The following EOGT variants were observed in gnomAD, a reference collection of about 807,000 sequenced individuals.
EOGT encodes the protein EGF domain specific O-linked N-acetylglucosamine transferase.
Under a neutral mutation model 70.5 loss-of-function variants are expected in EOGT, and 55 were observed. The observed-to-expected ratio is 0.78, with a 90% CI of 0.63 to 0.98. The LOEUF is 0.98. Among genes scored for constraint, EOGT ranks in the 50% least tolerant of loss-of-function variants. The pLI, the probability that EOGT is intolerant of heterozygous loss-of-function variation, is 0.00. For synonymous variants in EOGT, 246 were observed against 217.1 expected, an observed-to-expected ratio of 1.13 and a Z score of -1.17; for missense variants, 703 against 641.9, an observed-to-expected ratio of 1.10 and a Z score of -1.03.
chr3:69,004,236 G>T, intron 8 of EOGT, 142 bp downstream of exon 8: 1 of 624,328 alleles, frequency 1.6e-6, no homozygotes, highest in East Asian at 2.7e-5. Flanking sequence ...GGATTCACTC[G>T]GTTTCCGTCA....
chr3:68,997,036 A>T (rs1396854079), intron 10 of EOGT, among the ~76,000 whole-genome samples: 1 of 152,178 alleles, frequency 6.6e-6, no homozygotes, highest in Non-Finnish European at 1.5e-5. Flanking sequence ...CTCATTTCAG[A>T]GCTGAAGATT....
In EOGT at chr3:68,988,542, G is replaced by C. The variant is rs761254675; in HGVS notation, c.960C>G (p.Pro320=). Residue 320 remains proline, a synonymous_variant, in exon 12 of 18, where the codon CCC becomes CCG. Transcript: ENST00000383701. The part of the protein sequence containing the change: ...CFKEAVFSLL[P]RMRYGLFYNT... ...TATAGAACAGCCCATACCTCATGCG[G>C]GGGAGTAATGAAAAAACAGCTTCTT... 14 of 1,533,052 alleles carry C rather than the reference G, an allele frequency of 9.1e-6. No homozygotes were observed. Among genetic ancestry groups the C allele is most frequent in the Non-Finnish European group, 1.2e-5 (14 of 1,145,558 alleles). 95.0% of individuals were successfully genotyped at this position (1,533,052 alleles called of 1,614,324 possible).
chr3:68,982,521 A>AAAAC lies in EOGT; in HGVS notation c.1214+286_1214+289dup, dbSNP rs769683131. 9.9e-5 allele frequency among the ~76,000 whole-genome samples: 15 copies of AAAAC among 152,256 alleles called. No homozygotes were observed. In the South Asian group the frequency reaches 2.3e-3, roughly 23 times the overall value. The stretch of plus-strand genomic sequence containing the variant: ...GGTGACAGAGCAAGATTCTGTCTCA[A>AAAAC]AAACAAACAAACAAACAAACAAAAA... On this transcript the variant is annotated intron_variant, in intron 15 of 17. Coordinates refer to ENST00000383701, the MANE Select transcript of EOGT (RefSeq NM_001278689.2).
chr3:69,013,357 C>T (rs2091625761), intron 1 of EOGT, among the ~76,000 whole-genome samples: 1 of 151,620 alleles, frequency 6.6e-6, no homozygotes, highest in Admixed American at 6.6e-5. Flanking sequence ...TGGGAAGGGG[C>T]CGGGCGCCCG....
chr3:69,005,978 A>C (rs2091429813), intron 6 of EOGT, among the ~76,000 whole-genome samples: 1 of 152,240 alleles, frequency 6.6e-6, no homozygotes, highest in African/African-American at 2.4e-5. Context: ...CAATGGACTG[A>C]ATGTCCGTGT....
rs150287973 is a variant in EOGT at position 68,999,884 on chromosome 3, T to C, written c.727+1724A>G. On this transcript the variant is annotated intron_variant, in intron 9 of 17. Coordinates refer to ENST00000383701, the MANE Select transcript of EOGT (RefSeq NM_001278689.2). ...GAGAAATGTGCCCCCTAATGAGTCC[T>C]GATCTGTAGAATGTTCATTTCCCTA... Among the ~76,000 whole-genome samples, 311 of 152,272 alleles carry C rather than the reference T, an allele frequency of 2.0e-3. 1 individual carries two copies. The highest frequency in any genetic ancestry group is 7.1e-3 in the African/African-American group (294 of 41,556).
At chr3:69,001,559 T>C in intron 9 of EOGT, 49 bp downstream of exon 9, 13 of 1,232,588 alleles carry the variant, frequency 1.1e-5, no homozygotes, top group Non-Finnish European at 1.5e-5. Flanking sequence ...AAAAAAGGAA[T>C]AATATCTCAT....
intron 10 of EOGT, among the ~76,000 whole-genome samples, chr3:68,997,216 A>G (rs2091175217): frequency 6.6e-6 from 1 of 152,218 alleles, no homozygotes; most frequent in African/African-American, 2.4e-5. Flanking sequence ...CCTGCCCTTT[A>G]CAGTGAGCTG....
chr3:68,994,125 T>C (rs2091076541), intron 10 of EOGT, among the ~76,000 whole-genome samples: 1 of 152,144 alleles, frequency 6.6e-6, no homozygotes, highest in Non-Finnish European at 1.5e-5. Context: ...ATATATATTA[T>C]ATATACGCAC....
Position 69,007,752 on chromosome 3 carries a change from C to A in EOGT, c.381G>T (p.Arg127Ser), listed in dbSNP as rs761555639. ...KQADFGYARE[R>S]LEEMHVLCQP... is the part of the protein sequence containing the mutation. ...GACAGAGCACATGCATCTCCTCCAG[C>A]CTCTCTCTGGCATATCCAAAGTCAG... Residue 127 changes from arginine to serine, a missense_variant, in exon 6 of 18, where the codon AGG becomes AGT. Physicochemically the swap from Arg to Ser is moderately radical, Grantham distance 110. Transcript: ENST00000383701. The A allele has an allele frequency of 6.2e-7, 1 of 1,613,338 alleles. No individual in the cohort carries two copies.
chr3:68,981,566 C>T (rs1404608050), intron 15 of EOGT, among the ~76,000 whole-genome samples: 1 of 152,170 alleles, frequency 6.6e-6, no homozygotes, highest in Non-Finnish European at 1.5e-5. Flanking sequence ...GACTTTTCAA[C>T]CAGAAACATG....
intron 14 of EOGT, among the ~76,000 whole-genome samples, chr3:68,984,312 TAAG>T (rs1224624546): frequency 2.0e-5 from 3 of 151,734 alleles, no homozygotes; most frequent in Non-Finnish European, 2.9e-5. Flanking sequence ...GTTGAAGGGG[TAAG>T]AAGATTAGAA....
rs1207482468 is a variant in EOGT at position 68,975,856 on chromosome 3, T to A, written c.*1762A>T. On this transcript the variant is annotated 3_prime_UTR_variant, in exon 18 of 18. Coordinates refer to ENST00000383701, the MANE Select transcript of EOGT (RefSeq NM_001278689.2). ...CAAACGTCTTCTGTAAAGGTCCAGATATTTTGTTTTGTGTGTCATTTTTCT... is the reference window on the plus strand; with the variant it reads ...CAAACGTCTTCTGTAAAGGTCCAGAAATTTTGTTTTGTGTGTCATTTTTCT... The A allele has an allele frequency of 6.6e-6, 1 of 152,230 alleles. No homozygotes were observed. Among genetic ancestry groups the A allele is most frequent in the East Asian group, 1.9e-4 (1 of 5,198 alleles). 9.4% of individuals were successfully genotyped at this position (152,230 alleles called of 1,614,324 possible). A position where few individuals can be genotyped will look rare whatever the true frequency, so the allele number is the denominator to read the frequency against.
chr3:68,987,440 C>G lies in EOGT; in HGVS notation c.1152+5G>C. ...AGGCATTAAAAATGCATACCAAAAA[C>G]TAACCTCATTTTGGTTAAGGATTTT... On this transcript the variant is annotated splice_donor_5th_base_variant and intron_variant, in intron 14 of 17. Transcript: ENST00000383701. The G allele has an allele frequency of 6.2e-7, 1 of 1,606,700 alleles. No homozygotes were observed. Among genetic ancestry groups the G allele is most frequent in the Non-Finnish European group, 8.5e-7 (1 of 1,174,746 alleles).
chr3:68,992,024 C>T (rs1489487756), intron 10 of EOGT, among the ~76,000 whole-genome samples: 1 of 152,172 alleles, frequency 6.6e-6, no homozygotes, highest in Admixed American at 6.5e-5. Context: ...CCTTGGGTCC[C>T]TCCCATAAGA....
chr3:69,008,281 C>T, intron 5 of EOGT, 147 bp downstream of exon 5: 1 of 648,764 alleles, frequency 1.5e-6, no homozygotes, highest in Non-Finnish European at 2.7e-6. Context: ...ATGAAATAGT[C>T]AAGTTGAATT....
At position 68,977,494 on chromosome 3, in the gene EOGT, G is replaced by T; in HGVS notation, c.*124C>A. The T allele has an allele frequency of 1.1e-6, 1 of 946,416 alleles. No individual in the cohort carries two copies. The highest frequency in any genetic ancestry group is 1.6e-6 in the Non-Finnish European group (1 of 611,666). The allele number at this position is 946,416 out of a possible 1,614,324, so 58.6% of individuals were successfully genotyped here. On this transcript the variant is annotated 3_prime_UTR_variant, in exon 18 of 18. Coordinates refer to ENST00000383701, the MANE Select transcript of EOGT (RefSeq NM_001278689.2). ...TACAACACATAACAATATCCTGAAG[G>T]TATGTTTTGGCATAGAAAAGGTAAT... is the stretch of plus-strand genomic sequence containing the variant.
In EOGT at chr3:68,975,695, T is replaced by C. The variant is rs538122260; in HGVS notation, c.*1923A>G. 6.6e-6 allele frequency: 1 copy of C among 152,352 alleles called. No individual in the cohort carries two copies. Among genetic ancestry groups the C allele is most frequent in the African/African-American group, 2.4e-5 (1 of 41,576 alleles). The allele number at this position is 152,352 out of a possible 1,614,324, so 9.4% of individuals were successfully genotyped here. ...CTGCCACTTAAAAATCCATAACATG[T>C]TGTAATTCTTCTTATGTGATTTTAA... On this transcript the variant is annotated 3_prime_UTR_variant, in exon 18 of 18. Transcript: ENST00000383701.
chr3:68,984,230 C>T (rs2090737761), intron 14 of EOGT, among the ~76,000 whole-genome samples: 1 of 151,750 alleles, frequency 6.6e-6, no homozygotes, highest in African/African-American at 2.4e-5. Flanking sequence ...CTCACACTCA[C>T]ACACACACAC....
Sources: allele counts gnomAD v4.1 joint callset (sites outside exome capture counted in the v4.1 genomes callset), GRCh38; gene constraint gnomAD v4.1.1; transcripts MANE v1.5; gene names NCBI Gene and HGNC (gene_info 2026-07-23, HGNC 2026-07-21).